Variants in GNPAT observed in about 807,000 individuals in gnomAD.
GNPAT encodes dihydroxyacetone phosphate acyltransferase.
In GNPAT, 30 loss-of-function variants were observed where a neutral mutation model predicts 78.4. The ratio of observed to expected loss-of-function variants is 0.38; its 90% confidence interval spans 0.29 to 0.52. GNPAT has a LOEUF of 0.52. GNPAT is among the 20% of genes least tolerant of loss of function. The pLI is 0.84. For missense variants in GNPAT, 714 were observed against 812.2 expected (o/e 0.88, Z 1.47); for synonymous variants, 271 against 281.1 (o/e 0.96, Z 0.36).
At chr1:231,243,679 A>G (rs955694066) in intron 1 of GNPAT, among the ~76,000 whole-genome samples, 6 of 152,160 alleles carry the variant, frequency 3.9e-5, no homozygotes, top group Non-Finnish European at 8.8e-5. Flanking sequence ...CTAGATGTTG[A>G]TGTAAAAAAA....
chr1:231,270,264 AAAGTGATATTTTT>A (rs376783331), intron 9 of GNPAT, among the ~76,000 whole-genome samples: 117 of 152,310 alleles, frequency 7.7e-4, no homozygotes, highest in African/African-American at 2.5e-3. Flanking sequence ...GGAAAACTGC[AAAGTGATATTTTT>A]ACCATTTTAG....
intron 1 of GNPAT, among the ~76,000 whole-genome samples, chr1:231,246,907 C>T (rs945194047): frequency 1.4e-4 from 21 of 152,234 alleles, no homozygotes; most frequent in South Asian, 1.0e-3. Context: ...CGTTGGCTCA[C>T]GCCTGTAATC....
At chr1:231,241,728 T>C (rs1684614740) in intron 1 of GNPAT, among the ~76,000 whole-genome samples, 1 of 152,228 alleles carries the variant, frequency 6.6e-6, no homozygotes. Context: ...CCTGGGGCCT[T>C]CAGAAAGCTC....
chr1:231,275,156 T>C (rs1412581356), intron 12 of GNPAT, 65 bp from the exon 13 acceptor site: 4 of 896,606 alleles, frequency 4.5e-6, no homozygotes, highest in Admixed American at 1.8e-5. Context: ...AGTTATTTAC[T>C]ATTCTGTTGA....
intron 2 of GNPAT, among the ~76,000 whole-genome samples, chr1:231,259,219 G>C (rs1685152641): frequency 6.6e-6 from 1 of 151,848 alleles, no homozygotes; most frequent in African/African-American, 2.4e-5. Context: ...AGGAACACAG[G>C]TAAGAGGAAA....
chr1:231,276,238 G>C (rs200186460), intron 15 of GNPAT, 42 bp downstream of exon 15: 1 of 967,100 alleles, frequency 1.0e-6, no homozygotes, highest in African/African-American at 1.6e-5. Context: ...ACATTTTGTT[G>C]ATGAATTAAA....
At chr1:231,258,951 A>G (rs1053945103) in intron 2 of GNPAT, among the ~76,000 whole-genome samples, 1 of 152,008 alleles carries the variant, frequency 6.6e-6, no homozygotes, top group Non-Finnish European at 1.5e-5. Flanking sequence ...CAATTTTTTA[A>G]AAGTGGAATG....
chr1:231,261,940 G>C (rs911705000), intron 3 of GNPAT, among the ~76,000 whole-genome samples: 1 of 152,066 alleles, frequency 6.6e-6, no homozygotes, highest in Non-Finnish European at 1.5e-5. Context: ...CTTATACCCT[G>C]AATCTGTCAG....
Position 231,265,400 on chromosome 1 carries a change from T to G in GNPAT, c.676T>G (p.Tyr226Asp). ...NKLYWAVFSE[Y>D]VKTMLRNGYA... Reference sequence around the variant, plus strand: ...ACTCTACTGGGCTGTATTCTCTGAATATGTAAAAACTATGTTACGGGTAAA... The same window carrying G: ...ACTCTACTGGGCTGTATTCTCTGAAGATGTAAAAACTATGTTACGGGTAAA... The change falls in exon 5 of 16, where the codon TAT becomes GAT. Residue 226 changes from tyrosine (Y) to aspartate (D), a missense_variant. Coordinates refer to ENST00000366647, the MANE Select transcript of GNPAT (RefSeq NM_014236.4). The G allele has an allele frequency of 6.2e-7, 1 of 1,609,804 alleles. No homozygotes were observed. Among genetic ancestry groups the G allele is most frequent in the South Asian group, 1.1e-5 (1 of 91,014 alleles).
intron 14 of GNPAT, 42 bp downstream of exon 14, chr1:231,275,540 G>GCC (rs1685688977): frequency 9.3e-7 from 1 of 1,074,916 alleles, no homozygotes; most frequent in Admixed American, 1.7e-5. Flanking sequence ...AAGGAACAAG[G>GCC]AAATGAATGA....
Position 231,276,127 on chromosome 1 carries a change from T to C in GNPAT, c.1938-8T>C. 8.8e-7 allele frequency: 1 copy of C among 1,132,526 alleles called. No homozygotes were observed. Among genetic ancestry groups the C allele is most frequent in the Non-Finnish European group, 1.3e-6 (1 of 745,982 alleles). 70.2% of individuals were successfully genotyped at this position (1,132,526 alleles called of 1,614,324 possible). On this transcript the variant is annotated splice_polypyrimidine_tract_variant and splice_region_variant and intron_variant, in intron 14 of 15. Coordinates refer to ENST00000366647, the MANE Select transcript of GNPAT (RefSeq NM_014236.4). ...TATGTAATAATAAAGCTTATTATTT[T>C]CTCCTAGAAATAATAACTGTATATT... is the stretch of plus-strand genomic sequence containing the variant.
chr1:231,271,360 G>T (rs1341245379), intron 10 of GNPAT, among the ~76,000 whole-genome samples: 3 of 152,216 alleles, frequency 2.0e-5, no homozygotes, highest in Admixed American at 2.0e-4. Flanking sequence ...GTGGGCAGAT[G>T]AGCAGTCAGC....
chr1:231,268,223 A>G (rs2102820568), intron 9 of GNPAT, among the ~76,000 whole-genome samples: 1 of 152,154 alleles, frequency 6.6e-6, no homozygotes, highest in East Asian at 1.9e-4. Context: ...GAATGGCATG[A>G]ACCCAGGAGG....
Position 231,241,456 on chromosome 1 carries a change from G to C in GNPAT, c.78G>C (p.Ser26=), listed in dbSNP as rs756439083. 1.2e-6 allele frequency: 2 copies of C among 1,608,766 alleles called. No individual in the cohort carries two copies. The highest frequency in any genetic ancestry group is 1.7e-6 in the Non-Finnish European group (2 of 1,175,270). ...TSPSAVVLLY[S]KELKKWDEFE... is the part of the protein sequence containing the mutation. ...CCAGCGCTGTCGTGCTCCTCTACTCGGTAGGCGCCCAGGGAAAAGAGGCCC... is the reference window on the plus strand; with the variant it reads ...CCAGCGCTGTCGTGCTCCTCTACTCCGTAGGCGCCCAGGGAAAAGAGGCCC... The change falls in exon 1 of 16, where the codon TCG becomes TCC. Residue 26 remains serine, a splice_region_variant and synonymous_variant. Coordinates refer to ENST00000366647, the MANE Select transcript of GNPAT (RefSeq NM_014236.4).
At chr1:231,276,250 TAAG>T (rs1195487049) in intron 15 of GNPAT, 54 bp downstream of exon 15, 11 of 841,554 alleles carry the variant, frequency 1.3e-5, no homozygotes, top group Non-Finnish European at 2.2e-5. Flanking sequence ...TGAATTAAAA[TAAG>T]AAAGTATACT....
chr1:231,269,785 A>G (rs1685503089), intron 9 of GNPAT: 1 of 152,218 alleles, frequency 6.6e-6, no homozygotes, highest in South Asian at 2.1e-4. Context: ...GATGGGATAA[A>G]TGCCATAACT....
intron 1 of GNPAT, among the ~76,000 whole-genome samples, chr1:231,245,218 T>A (rs1684715550): frequency 6.6e-6 from 1 of 152,100 alleles, no homozygotes; most frequent in South Asian, 2.1e-4. Context: ...CTAATTTTCT[T>A]TTTTTGTTGT....
At chr1:231,269,727 A>G (rs1685501017) in intron 9 of GNPAT, 1 of 152,188 alleles carries the variant, frequency 6.6e-6, no homozygotes, top group Non-Finnish European at 1.5e-5. Flanking sequence ...GCCCAGGAAC[A>G]TATGAAAACA....
intron 12 of GNPAT, chr1:231,274,770 T>C (rs1685664123): frequency 4.3e-6 from 1 of 233,160 alleles, no homozygotes; most frequent in Non-Finnish European, 8.4e-6. Flanking sequence ...TTGCACAAAG[T>C]CTAGCACTTA....
Sources: gnomAD v4.1 joint callset for allele counts (sites outside exome capture counted in the v4.1 genomes callset) on GRCh38, gnomAD v4.1.1 for gene constraint, MANE v1.5 for transcripts, NCBI Gene and HGNC (gene_info 2026-07-23, HGNC 2026-07-21) for gene names.